The following FRMPD4 variants were observed in gnomAD, a reference collection of about 807,000 sequenced individuals.
FRMPD4 encodes the protein FERM and PDZ domain-containing protein 4.
Under a neutral mutation model 94.1 loss-of-function variants are expected in FRMPD4, and 22 were observed. That is an observed-to-expected ratio of 0.23 (90% CI 0.17 to 0.33). The LOEUF (loss-of-function observed/expected upper bound fraction) is 0.33, where lower values mean the gene tolerates loss of function less well. Among genes scored for constraint, FRMPD4 ranks in the 10% least tolerant of loss-of-function variants. The pLI, the probability that FRMPD4 is intolerant of heterozygous loss-of-function variation, is 1.00. For synonymous variants in FRMPD4, 631 were observed against 548.6 expected, an observed-to-expected ratio of 1.15 and a Z score of -2.10; for missense variants, 1,111 against 1,339.9, an observed-to-expected ratio of 0.83 and a Z score of 2.67.
At chrX:12,284,361 GCTTCCCAA>G (rs747005726) in intron 1 of FRMPD4, among the ~76,000 whole-genome samples, 1 of 111,792 alleles carries the variant, frequency 8.9e-6, no homozygotes, top group Non-Finnish European at 1.9e-5. Flanking sequence ...GCCCTCTCAA[GCTTCCCAA>G]CTTCCCTGAG....
chrX:12,511,116 G>A (rs781083755), intron 2 of FRMPD4, among the ~76,000 whole-genome samples: 4 of 111,851 alleles, frequency 3.6e-5, no homozygotes, highest in South Asian at 3.8e-4. Context: ...AGAATCTATC[G>A]CGGAGCTAAT....
chrX:12,366,774 C>A (rs1283454566), intron 1 of FRMPD4, among the ~76,000 whole-genome samples: 4 of 111,891 alleles, frequency 3.6e-5, no homozygotes, highest in African/African-American at 1.3e-4. Context: ...TGAAATAAAT[C>A]TGCATGGGGC....
At chrX:12,525,738 G>A (rs896838683) in intron 2 of FRMPD4, among the ~76,000 whole-genome samples, 18 of 111,857 alleles carry the variant, frequency 1.6e-4, no homozygotes, top group Non-Finnish European at 2.1e-4. Flanking sequence ...TCCATTTGAC[G>A]TTCTTACCAG....
At chrX:12,192,086 A>G (rs898539490) in intron 1 of FRMPD4, among the ~76,000 whole-genome samples, 1 of 112,195 alleles carries the variant, frequency 8.9e-6, no homozygotes, top group Non-Finnish European at 1.9e-5. Context: ...TTAAATGAGT[A>G]TGTATTAACT....
chrX:12,001,144 C>A (rs2054522537), intron 3 of FRMPD4, among the ~76,000 whole-genome samples: 1 of 111,747 alleles, frequency 8.9e-6, no homozygotes, highest in Non-Finnish European at 1.9e-5. Context: ...TGCACATAAC[C>A]TTAAGAGTTT....
At chrX:11,909,287 G>A (rs138469024) in intron 3 of FRMPD4, among the ~76,000 whole-genome samples, 2,345 of 111,765 alleles carry the variant, frequency 0.021, 29 homozygotes, top group Middle Eastern at 0.041. Flanking sequence ...GGCAGTTTGT[G>A]TCTTTCAAGA....
At chrX:12,624,581 G>A (rs2059328357) in intron 4 of FRMPD4, among the ~76,000 whole-genome samples, 1 of 111,278 alleles carries the variant, frequency 9.0e-6, no homozygotes, top group South Asian at 3.7e-4. Context: ...AATCACAGAA[G>A]AATACAGCAA....
chrX:12,115,426 C>T (rs893672353), intron 3 of FRMPD4, among the ~76,000 whole-genome samples: 1 of 111,355 alleles, frequency 9.0e-6, no homozygotes, highest in African/African-American at 3.3e-5. Flanking sequence ...GATCCTCCTG[C>T]CTTGGCCTCC....
intron 1 of FRMPD4, among the ~76,000 whole-genome samples, chrX:12,193,662 C>T (rs776208017): frequency 5.0e-5 from 5 of 99,398 alleles, no homozygotes; most frequent in African/African-American, 7.4e-5. Flanking sequence ...GTGAGCTGAC[C>T]GAAAAAAGAA....
intron 2 of FRMPD4, among the ~76,000 whole-genome samples, chrX:12,566,233 A>G (rs771508346): frequency 1.2e-4 from 13 of 111,325 alleles, no homozygotes; most frequent in Non-Finnish European, 2.3e-4. Flanking sequence ...AATGGAATGC[A>G]GCAAAAGCGG....
At chrX:12,420,097 TATC>T (rs1308667198) in intron 1 of FRMPD4, among the ~76,000 whole-genome samples, 1 of 111,687 alleles carries the variant, frequency 9.0e-6, no homozygotes, top group African/African-American at 3.3e-5. Context: ...GCCCTGAACT[TATC>T]ATGTCACCAT....
chrX:12,547,773 C>T (rs1158827016), intron 2 of FRMPD4, among the ~76,000 whole-genome samples: 2 of 112,110 alleles, frequency 1.8e-5, no homozygotes, highest in East Asian at 5.5e-4. Context: ...ATGCCTTTTG[C>T]ATTAACAAAC....
chrX:12,713,963 A>G (rs147974865), intron 14 of FRMPD4, among the ~76,000 whole-genome samples: 10 of 111,867 alleles, frequency 8.9e-5, no homozygotes, highest in African/African-American at 3.3e-4. Flanking sequence ...CTGGCCCCAC[A>G]TATGTATGCA....
At chrX:11,903,158 T>C (rs1206474470) in intron 3 of FRMPD4, among the ~76,000 whole-genome samples, 1 of 112,195 alleles carries the variant, frequency 8.9e-6, no homozygotes, top group African/African-American at 3.2e-5. Flanking sequence ...CCACTGGACA[T>C]TTTCCAAATC....
intron 2 of FRMPD4, among the ~76,000 whole-genome samples, chrX:12,510,092 G>A (rs996933228): frequency 8.9e-6 from 1 of 111,870 alleles, no homozygotes; most frequent in Non-Finnish European, 1.9e-5. Context: ...TGGGAATCCT[G>A]TGAGGTACAA....
At chrX:11,941,434 C>T (rs1468802304) in intron 3 of FRMPD4, among the ~76,000 whole-genome samples, 1 of 111,686 alleles carries the variant, frequency 9.0e-6, no homozygotes, top group Admixed American at 9.5e-5. Context: ...CTCCACAGCC[C>T]CCAGCACTTG....
intron 4 of FRMPD4, among the ~76,000 whole-genome samples, chrX:12,660,322 G>T: frequency 8.9e-6 from 1 of 111,968 alleles, no homozygotes; most frequent in Non-Finnish European, 1.9e-5. Flanking sequence ...TTGTAGTGAA[G>T]CATTTTTAGT....
intron 1 of FRMPD4, among the ~76,000 whole-genome samples, chrX:12,275,650 A>G (rs2054423837): frequency 9.1e-6 from 1 of 109,341 alleles, no homozygotes. Context: ...GGGCATCAGG[A>G]CAGCTCTATG....
chrX:12,677,677 T>TTC (rs1231548501), intron 5 of FRMPD4, among the ~76,000 whole-genome samples: 1 of 111,521 alleles, frequency 9.0e-6, no homozygotes, highest in African/African-American at 3.3e-5. Context: ...GTTGTATTTC[T>TTC]TCTGCATAAG....
Sources: allele counts gnomAD v4.1 joint callset (sites outside exome capture counted in the v4.1 genomes callset), GRCh38; gene constraint gnomAD v4.1.1; transcripts MANE v1.5; gene names NCBI Gene and HGNC (gene_info 2026-07-23, HGNC 2026-07-21).